Variants in IFNAR1 observed in about 807,000 individuals in gnomAD.
IFNAR1 encodes interferon alpha/beta receptor 1.
IFNAR1 carries 47 observed loss-of-function variants against 62.1 expected under a neutral mutation model. The ratio of observed to expected loss-of-function variants is 0.76; its 90% CI spans 0.60 to 0.97. The LOEUF is 0.97. Ranked by LOEUF, IFNAR1 falls within the 50% of genes least tolerant of loss-of-function variation. IFNAR1 has a pLI of 0.00. For synonymous variants in IFNAR1, 219 were observed against 226.9 expected (o/e 0.97, Z 0.31); for missense variants, 638 against 654.5 (o/e 0.97, Z 0.27).
intron 6 of IFNAR1, among the ~76,000 whole-genome samples, chr21:33,348,459 AATTT>A (rs1344309142): frequency 3.9e-5 from 6 of 152,144 alleles, no homozygotes; most frequent in Non-Finnish European, 7.4e-5. Flanking sequence ...GGACAAGATG[AATTT>A]ATTTATTACC....
In IFNAR1 at chr21:33,343,280, C is replaced by A. The variant is rs549022719; in HGVS notation, c.389C>A (p.Pro130His). ...FTPFRKAQIGPPEVHLEAEDK... is the reference protein window; with the variant it reads ...FTPFRKAQIGHPEVHLEAEDK... ...GATTTTTTTGCAGCTCAGATTGGTC[C>A]TCCAGAAGTACATTTAGAAGCTGAA... The change falls in exon 4 of 11, where the codon CCT (proline) becomes CAT (histidine). Residue 130 changes from proline (P) to histidine (H), a missense_variant. Transcript: ENST00000270139. 2.5e-5 allele frequency: 41 copies of A among 1,612,082 alleles called. No individual in the cohort carries two copies. Among genetic ancestry groups the A allele is most frequent in the Middle Eastern group, 1.7e-4 (1 of 6,054 alleles).
intron 10 of IFNAR1, 44 bp downstream of exon 10, chr21:33,353,827 A>G (rs1292292796): frequency 7.9e-7 from 1 of 1,264,198 alleles, no homozygotes; most frequent in South Asian, 1.3e-5. Context: ...TAGGTAATGA[A>G]CAGAAAATGT....
chr21:33,354,319 G>GT (rs2123274477), intron 10 of IFNAR1, among the ~76,000 whole-genome samples: 1 of 152,204 alleles, frequency 6.6e-6, no homozygotes, highest in Admixed American at 6.5e-5. Flanking sequence ...TCCAGCCTGG[G>GT]TGACAGAGCA....
Position 33,345,266 on chromosome 21 carries a change from CCAGAAAATATAGAAGT to C in IFNAR1, c.698_713del (p.Glu233ValfsTer18). 1 of 1,585,714 alleles carries C rather than the reference CCAGAAAATATAGAAGT, an allele frequency of 6.3e-7. No individual in the cohort carries two copies. The highest frequency in any genetic ancestry group is 1.1e-5 in the South Asian group (1 of 89,806). On this transcript the variant is annotated frameshift_variant, in exon 6 of 11. Coordinates refer to ENST00000270139, the MANE Select transcript of IFNAR1 (RefSeq NM_000629.3). LOFTEE classifies it high-confidence loss of function. ...TCTAGTTGAAAATGAACTACCTCCA[CCAGAAAATATAGAAGT>C]CAGTGTCCAAAATCAGAACTATGTT...
At chr21:33,343,213 G>A (rs889670559) in intron 3 of IFNAR1, 55 bp from the exon 4 acceptor site, 1 of 1,475,186 alleles carries the variant, frequency 6.8e-7, no homozygotes, top group Admixed American at 1.8e-5. Flanking sequence ...GTTGAATGAA[G>A]GTTTTGGCAT....
Position 33,343,308 on chromosome 21 carries a change from T to A in IFNAR1, c.417T>A (p.Asp139Glu), listed in dbSNP as rs753212923. Residue 139 changes from aspartate (D) to glutamate (E), a missense_variant, in exon 4 of 11, where the codon GAT becomes GAA. Asp to Glu is a conservative substitution (Grantham distance 45). Coordinates refer to ENST00000270139, the MANE Select transcript of IFNAR1 (RefSeq NM_000629.3). ...GPPEVHLEAE[D>E]KAIVIHISPG... ...CAGAAGTACATTTAGAAGCTGAAGA[T>A]AAGGCAATAGTGATACACATCTCTC... 6.2e-7 allele frequency: 1 copy of A among 1,613,616 alleles called. No homozygotes were observed. The highest frequency in any genetic ancestry group is 1.3e-5 in the African/African-American group (1 of 75,056).
intron 2 of IFNAR1, among the ~76,000 whole-genome samples, chr21:33,338,991 C>T (rs938381195): frequency 1.3e-5 from 2 of 152,104 alleles, no homozygotes; most frequent in East Asian, 1.9e-4. Context: ...ATCCACCCCC[C>T]TCGGCCTCCC....
chr21:33,337,051 A>G (rs2123672363), intron 2 of IFNAR1, among the ~76,000 whole-genome samples: 1 of 152,076 alleles, frequency 6.6e-6, no homozygotes, highest in East Asian at 1.9e-4. Flanking sequence ...GCCCTGGCCT[A>G]GATACACTTT....
rs2123285903 is a variant in IFNAR1 at position 33,358,887 on chromosome 21, G to C, written c.*3338G>C. On this transcript the variant is annotated 3_prime_UTR_variant, in exon 11 of 11. Coordinates refer to ENST00000270139, the MANE Select transcript of IFNAR1 (RefSeq NM_000629.3). ...TTAGAGTTTTTATCTTCCCCTAAAAGAGGCCGTGATATTTGCAGCAGCCTC... is the reference window on the plus strand; with the variant it reads ...TTAGAGTTTTTATCTTCCCCTAAAACAGGCCGTGATATTTGCAGCAGCCTC... 6.6e-6 allele frequency: 1 copy of C among 151,988 alleles called. No individual in the cohort carries two copies. The highest frequency in any genetic ancestry group is 1.9e-4 in the East Asian group (1 of 5,178). 9.4% of individuals were successfully genotyped at this position (151,988 alleles called of 1,614,324 possible). A position where few individuals can be genotyped will look rare whatever the true frequency, so the allele number is the denominator to read the frequency against.
At position 33,327,298 on chromosome 21, in the gene IFNAR1, C is replaced by T. The variant is rs1043256421; in HGVS notation, c.76+2167C>T. ...AGAAATTAATTTAAAATTAGGTTAG[C>T]GGACAGGTGGCAAGATATAATTTAT... On this transcript the variant is annotated intron_variant, in intron 1 of 10. Transcript: ENST00000270139. 2.6e-5 allele frequency among the ~76,000 whole-genome samples: 4 copies of T among 152,106 alleles called. No individual in the cohort carries two copies. The East Asian group carries it at 7.7e-4, about 29-fold the overall frequency.
chr21:33,347,421 C>T (rs1035694330), intron 6 of IFNAR1, among the ~76,000 whole-genome samples: 4 of 152,090 alleles, frequency 2.6e-5, no homozygotes, highest in East Asian at 1.9e-4. Flanking sequence ...TGAGGCACCG[C>T]GCTCAGCCAT....
At chr21:33,331,040 C>G (rs530628961) in intron 1 of IFNAR1, among the ~76,000 whole-genome samples, 25 of 152,318 alleles carry the variant, frequency 1.6e-4, no homozygotes, top group African/African-American at 5.1e-4. Context: ...GTGTGTCTTG[C>G]TTCGGGGACT....
chr21:33,334,154 C>T (rs1164588135), intron 1 of IFNAR1, among the ~76,000 whole-genome samples: 3 of 152,066 alleles, frequency 2.0e-5, no homozygotes, highest in Non-Finnish European at 4.4e-5. Flanking sequence ...TACATGTACC[C>T]AACACCAGAG....
intron 9 of IFNAR1, among the ~76,000 whole-genome samples, 193 bp from the exon 10 acceptor site, chr21:33,353,445 C>G (rs1432892868): frequency 6.6e-6 from 1 of 152,132 alleles, no homozygotes; most frequent in Non-Finnish European, 1.5e-5. Context: ...CTTCAGTTCC[C>G]ACGCCAATCT....
At chr21:33,333,028 C>A (rs1207039428) in intron 1 of IFNAR1, among the ~76,000 whole-genome samples, 3 of 152,050 alleles carry the variant, frequency 2.0e-5, no homozygotes, top group Non-Finnish European at 4.4e-5. Context: ...TAGATTTAAC[C>A]CAAAAAGGTT....
intron 1 of IFNAR1, chr21:33,334,745 G>A: frequency 1.3e-6 from 1 of 788,176 alleles, no homozygotes; most frequent in Non-Finnish European, 2.3e-6. Flanking sequence ...GGTGATCCAG[G>A]TGTGTGAGGG....
chr21:33,355,208 T>C (rs2123276571), intron 10 of IFNAR1, 108 bp from the exon 11 acceptor site: 2 of 614,208 alleles, frequency 3.3e-6, no homozygotes, highest in East Asian at 5.9e-5. Context: ...TGCCAGAAGA[T>C]AGGTTTTCTC....
At chr21:33,338,942 A>C (rs1279111103) in intron 2 of IFNAR1, among the ~76,000 whole-genome samples, 1 of 151,972 alleles carries the variant, frequency 6.6e-6, no homozygotes, top group East Asian at 1.9e-4. Context: ...GGATTTCTCC[A>C]TGTTGATCGG....
chr21:33,331,003 C>G (rs2083173695), intron 1 of IFNAR1, among the ~76,000 whole-genome samples: 1 of 152,196 alleles, frequency 6.6e-6, no homozygotes, highest in African/African-American at 2.4e-5. Context: ...TGTGCCACTC[C>G]ACCTTGGAAC....
Sources: allele counts gnomAD v4.1 joint callset (sites outside exome capture counted in the v4.1 genomes callset), GRCh38; gene constraint gnomAD v4.1.1; transcripts MANE v1.5; gene names NCBI Gene and HGNC (gene_info 2026-07-23, HGNC 2026-07-21).